The following PPP1R3A variants were observed in gnomAD, a reference collection of about 807,000 sequenced individuals.
The protein encoded by PPP1R3A is RG1.
In PPP1R3A, 29 loss-of-function variants were observed where a neutral mutation model predicts 41.7. The observed-to-expected ratio is 0.70, with a 90% CI of 0.52 to 0.95. The LOEUF is 0.95. PPP1R3A is among the 40% of genes least tolerant of loss of function. The pLI, the probability that PPP1R3A is intolerant of heterozygous loss-of-function variation, is 0.00. For missense variants in PPP1R3A, 1,352 were observed against 1,292.4 expected (o/e 1.05, Z -0.71); for synonymous variants, 485 against 453.4 (o/e 1.07, Z -0.89).
chr7:113,880,160 A>G (rs1464467740), intron 3 of PPP1R3A, 35 bp from the exon 4 acceptor site: 2 of 1,531,768 alleles, frequency 1.3e-6, no homozygotes, highest in Non-Finnish European at 1.8e-6. Flanking sequence ...AATAATGACC[A>G]TAAGATCTTT....
In PPP1R3A at chr7:113,898,406, T is replaced by C. The variant is rs764844938; in HGVS notation, c.783-16086A>G. Reference sequence around the variant, plus strand: ...GAGTCCTGAGGGCTTAGTATGACTATTGAGATGAAGAAGACAGAGCAGAAT... The same window carrying C: ...GAGTCCTGAGGGCTTAGTATGACTACTGAGATGAAGAAGACAGAGCAGAAT... On this transcript the variant is annotated intron_variant, in intron 1 of 3. Coordinates refer to ENST00000284601, the MANE Select transcript of PPP1R3A (RefSeq NM_002711.4). Among the ~76,000 whole-genome samples, 63 of 151,700 alleles carry C rather than the reference T, an allele frequency of 4.2e-4. 1 individual carries two copies. The highest frequency in any genetic ancestry group is 2.2e-4 in the Non-Finnish European group (15 of 67,834).
chr7:113,884,937 C>T (rs1315818739), intron 1 of PPP1R3A, among the ~76,000 whole-genome samples: 4 of 151,926 alleles, frequency 2.6e-5, no homozygotes, highest in Non-Finnish European at 5.9e-5. Context: ...GGACGGTCAG[C>T]ATTATTAGAG....
Position 113,879,562 on chromosome 7 carries a change from A to G in PPP1R3A, c.1530T>C (p.Tyr510=), listed in dbSNP as rs1311481016. 1.9e-6 allele frequency: 3 copies of G among 1,613,008 alleles called. No homozygotes were observed. Among genetic ancestry groups the G allele is most frequent in the Non-Finnish European group, 2.5e-6 (3 of 1,179,464 alleles). ...STEEGSSKED[Y]YGNGKDDEEQ... ...CTTCATCATCCTTACCATTGCCATAATAATCTTCCTTAGAAGATCCTTCTT... is the reference window on the plus strand; with the variant it reads ...CTTCATCATCCTTACCATTGCCATAGTAATCTTCCTTAGAAGATCCTTCTT... The change falls in exon 4 of 4, where the codon TAT becomes TAC. Residue 510 remains tyrosine, a synonymous_variant. Coordinates refer to ENST00000284601, the MANE Select transcript of PPP1R3A (RefSeq NM_002711.4).
chr7:113,896,749 T>G (rs1796981856), intron 1 of PPP1R3A, among the ~76,000 whole-genome samples: 1 of 151,852 alleles, frequency 6.6e-6, no homozygotes, highest in African/African-American at 2.4e-5. Flanking sequence ...GAAACAGATG[T>G]AAGCCACTCA....
At chr7:113,910,342 C>T (rs1797223783) in intron 1 of PPP1R3A, among the ~76,000 whole-genome samples, 1 of 152,110 alleles carries the variant, frequency 6.6e-6, no homozygotes, top group South Asian at 2.1e-4. Context: ...GATAGTCTCT[C>T]CTACAAAAGG....
chr7:113,878,859 A>T lies in PPP1R3A; in HGVS notation c.2233T>A (p.Ser745Thr). ...TTSESTPESM[S>T]AREKAIIAKL... ...GCAATTATTGCTTTTTCTCTAGCAG[A>T]CATGCTTTCTGGAGTACTTTCTGAT... is the stretch of plus-strand genomic sequence containing the variant. Residue 745 changes from serine (S) to threonine (T), a missense_variant, in exon 4 of 4, where the codon TCT becomes ACT. Physicochemically the swap from Ser to Thr is moderately conservative, Grantham distance 58. Transcript: ENST00000284601. The T allele has an allele frequency of 6.2e-7, 1 of 1,613,168 alleles. No homozygotes were observed. The highest frequency in any genetic ancestry group is 1.1e-5 in the South Asian group (1 of 91,086).
At position 113,879,835 on chromosome 7, in the gene PPP1R3A, C is replaced by A; in HGVS notation, c.1257G>T (p.Leu419Phe). The A allele has an allele frequency of 6.2e-7, 1 of 1,613,464 alleles. No homozygotes were observed. The highest frequency in any genetic ancestry group is 8.5e-7 in the Non-Finnish European group (1 of 1,179,648). The change falls in exon 4 of 4, where the codon TTG (leucine) becomes TTT (phenylalanine). Residue 419 changes from leucine to phenylalanine, a missense_variant. Leu to Phe is a conservative substitution (Grantham distance 22). Coordinates refer to ENST00000284601, the MANE Select transcript of PPP1R3A (RefSeq NM_002711.4). ...TSNMGEIKPS[L>F]GDTSSDELVQ... Reference sequence around the variant, plus strand: ...CTAGTTCATCACTACTAGTATCTCCCAATGATGGCTTGATTTCTCCCATAT... The same window carrying A: ...CTAGTTCATCACTACTAGTATCTCCAAATGATGGCTTGATTTCTCCCATAT...
chr7:113,916,175 G>A (rs1365321198), intron 1 of PPP1R3A, among the ~76,000 whole-genome samples: 4 of 151,978 alleles, frequency 2.6e-5, no homozygotes, highest in Non-Finnish European at 5.9e-5. Context: ...AGTTACAGAA[G>A]TGCAGAAAAT....
intron 1 of PPP1R3A, among the ~76,000 whole-genome samples, chr7:113,896,744 A>G (rs1796981729): frequency 6.6e-6 from 1 of 151,888 alleles, no homozygotes; most frequent in Non-Finnish European, 1.5e-5. Flanking sequence ...ATGAGGAAAC[A>G]GATGTAAGCC....
At chr7:113,890,859 T>C (rs965350323) in intron 1 of PPP1R3A, among the ~76,000 whole-genome samples, 1 of 151,962 alleles carries the variant, frequency 6.6e-6, no homozygotes, top group Non-Finnish European at 1.5e-5. Context: ...TACAGAAAGA[T>C]TTATTTTACT....
rs1272006074 is a variant in PPP1R3A, at chr7:113,918,599, G to A, written c.398C>T (p.Thr133Ile). 6.2e-7 allele frequency: 1 copy of A among 1,613,616 alleles called. No individual in the cohort carries two copies. The highest frequency in any genetic ancestry group is 2.2e-5 in the East Asian group (1 of 44,856). Reference sequence around the variant, plus strand: ...ACTTGTAGACCCAAGAAGAGACTCAGTTGACTCCAGTATTGCTTTCTGTAT... The same window carrying A: ...ACTTGTAGACCCAAGAAGAGACTCAATTGACTCCAGTATTGCTTTCTGTAT... ...LQIQKAILES[T>I]ESLLGSTSIK... Residue 133 changes from threonine to isoleucine, a missense_variant, in exon 1 of 4, where the codon ACT (threonine) becomes ATT (isoleucine). Coordinates refer to ENST00000284601, the MANE Select transcript of PPP1R3A (RefSeq NM_002711.4).
chr7:113,882,138 A>G lies in PPP1R3A; in HGVS notation c.867T>C (p.Cys289=). 6.2e-7 allele frequency: 1 copy of G among 1,611,804 alleles called. No homozygotes were observed. Among genetic ancestry groups the G allele is most frequent in the East Asian group, 2.2e-5 (1 of 44,770 alleles). The change falls in exon 3 of 4, where the codon TGT becomes TGC. Residue 289 remains cysteine (C), a synonymous_variant. Coordinates refer to ENST00000284601, the MANE Select transcript of PPP1R3A (RefSeq NM_002711.4). Reference sequence around the variant, plus strand: ...CCAAATCTTCCTTGTCCTCATGAGAACAAATGATTGTTGGGATATAGGTAT... The same window carrying G: ...CCAAATCTTCCTTGTCCTCATGAGAGCAAATGATTGTTGGGATATAGGTAT... ...NTDTYIPTII[C]SHEDKEDLEA...
intron 1 of PPP1R3A, among the ~76,000 whole-genome samples, chr7:113,884,738 A>T (rs1007271418): frequency 6.6e-6 from 1 of 152,164 alleles, no homozygotes; most frequent in African/African-American, 2.4e-5. Context: ...GAGACTATGC[A>T]GTAAAAATAG....
At chr7:113,909,384 A>C (rs1317545732) in intron 1 of PPP1R3A, among the ~76,000 whole-genome samples, 1 of 151,578 alleles carries the variant, frequency 6.6e-6, no homozygotes, top group African/African-American at 2.4e-5. Flanking sequence ...TAATTTTATA[A>C]AATAAAGTTT....
At position 113,918,269 on chromosome 7, in the gene PPP1R3A, G is replaced by T; in HGVS notation, c.728C>A (p.Pro243Gln). 1 of 1,607,052 alleles carries T rather than the reference G, an allele frequency of 6.2e-7. No individual in the cohort carries two copies. Among genetic ancestry groups the T allele is most frequent in the Non-Finnish European group, 8.5e-7 (1 of 1,177,722 alleles). Residue 243 changes from proline (P) to glutamine (Q), a missense_variant, in exon 1 of 4, where the codon CCA becomes CAA. Coordinates refer to ENST00000284601, the MANE Select transcript of PPP1R3A (RefSeq NM_002711.4). ...TTGTCTGTTAGGAACTTCTTTCCAT[G>T]GTTTTACAGGCTCCGGCTCTTGTTC... Reference protein sequence around the residue: ...KKEQEPEPVKPWKEVPNRQIK... With the variant: ...KKEQEPEPVKQWKEVPNRQIK...
At chr7:113,904,568 T>C (rs1797115922) in intron 1 of PPP1R3A, among the ~76,000 whole-genome samples, 1 of 151,724 alleles carries the variant, frequency 6.6e-6, no homozygotes, top group Admixed American at 6.6e-5. Context: ...CCTGGTTTTG[T>C]AGCCAAGTTC....
At chr7:113,907,199 A>T (rs1051629737) in intron 1 of PPP1R3A, among the ~76,000 whole-genome samples, 1 of 151,776 alleles carries the variant, frequency 6.6e-6, no homozygotes, top group Non-Finnish European at 1.5e-5. Context: ...TATTGTTTTT[A>T]TCACTACTGC....
chr7:113,913,844 T>C (rs970967940), intron 1 of PPP1R3A, among the ~76,000 whole-genome samples: 1 of 152,136 alleles, frequency 6.6e-6, no homozygotes, highest in African/African-American at 2.4e-5. Context: ...ACCCAGAGAA[T>C]CTGAACTTGG....
At chr7:113,906,563 T>G (rs932254185) in intron 1 of PPP1R3A, among the ~76,000 whole-genome samples, 1 of 151,740 alleles carries the variant, frequency 6.6e-6, no homozygotes, top group African/African-American at 2.4e-5. Context: ...ATTTGCCACT[T>G]GGAGATCCAG....
Sources: gnomAD v4.1 joint callset for allele counts (sites outside exome capture counted in the v4.1 genomes callset) on GRCh38, gnomAD v4.1.1 for gene constraint, MANE v1.5 for transcripts, NCBI Gene and HGNC (gene_info 2026-07-23, HGNC 2026-07-21) for gene names.